The following LRGUK variants were observed in gnomAD, a reference collection of about 807,000 sequenced individuals.
The protein encoded by LRGUK is leucine rich repeats and guanylate kinase domain containing, also known as leucine-rich repeat and guanylate kinase domain-containing protein.
LRGUK carries 65 observed loss-of-function variants against 76.0 expected under a neutral mutation model. The observed-to-expected ratio is 0.85, with a 90% CI of 0.70 to 1.05. The LOEUF (loss-of-function observed/expected upper bound fraction) is 1.05. LRGUK is among the 50% of genes least tolerant of loss of function. The pLI is 0.00. For missense variants in LRGUK, 758 were observed against 732.8 expected, an observed-to-expected ratio of 1.03 and a Z score of -0.40; for synonymous variants, 268 against 265.6, an observed-to-expected ratio of 1.01 and a Z score of -0.09.
chr7:134,189,512 C>T (rs943074348), intron 11 of LRGUK, among the ~76,000 whole-genome samples: 4 of 152,180 alleles, frequency 2.6e-5, no homozygotes, highest in Admixed American at 6.5e-5. Flanking sequence ...CAGGTTCTGT[C>T]ATCAGCATTC....
chr7:134,164,733 C>T (rs543571653), intron 7 of LRGUK, among the ~76,000 whole-genome samples: 1 of 152,034 alleles, frequency 6.6e-6, no homozygotes, highest in African/African-American at 2.4e-5. Context: ...TGGTGCTTGT[C>T]GGTTTTGTGT....
rs1797079647 is a variant in LRGUK, at chr7:134,127,797, G to A, written c.297+133G>A. On this transcript the variant is annotated intron_variant, in intron 1 of 15. Coordinates refer to ENST00000645682, the Ensembl canonical transcript of LRGUK. The stretch of plus-strand genomic sequence containing the variant: ...CTCAGGCTCTCTCGCCTCCAGGAAC[G>A]CCTCTTCCCCCTCTTTTCTTCCCCT... The A allele has an allele frequency of 1.4e-5, 14 of 988,592 alleles. No homozygotes were observed. The South Asian group carries it at 1.7e-4, about 12-fold the overall frequency. The allele number at this position is 988,592 out of a possible 1,614,324, so 61.2% of individuals were successfully genotyped here. A position where few individuals can be genotyped will look rare whatever the true frequency, so the allele number is the denominator to read the frequency against.
At chr7:134,164,225 C>G (rs1798877005) in intron 7 of LRGUK, among the ~76,000 whole-genome samples, 1 of 152,078 alleles carries the variant, frequency 6.6e-6, no homozygotes, top group Admixed American at 6.5e-5. Flanking sequence ...ACAGTAAGTA[C>G]ATATAATTTT....
Position 134,147,178 on chromosome 7 carries a change from C to T in LRGUK, c.589-1060C>T, listed in dbSNP as rs536754247. ...CTATAATCCCAACACTTTGGGAGGC[C>T]GAGACGGGTGGATCAGGAGGTTGGT... On this transcript the variant is annotated intron_variant, in intron 4 of 15. Coordinates refer to ENST00000645682, the Ensembl canonical transcript of LRGUK. 4.1e-4 allele frequency among the ~76,000 whole-genome samples: 63 copies of T among 151,946 alleles called. No individual in the cohort carries two copies. The South Asian group carries it at 0.012, about 30-fold the overall frequency.
intron 10 of LRGUK, among the ~76,000 whole-genome samples, chr7:134,179,498 T>A (rs1799647908): frequency 6.6e-6 from 1 of 152,196 alleles, no homozygotes; most frequent in Non-Finnish European, 1.5e-5. Flanking sequence ...AATTTAATAA[T>A]GTAGACGTTG....
downstream of LRGUK, among the ~76,000 whole-genome samples, chr7:134,214,466 A>G (rs776457261): frequency 4.3e-4 from 66 of 152,200 alleles, no homozygotes; most frequent in Non-Finnish European, 7.5e-4. Flanking sequence ...AGTGTTTTTT[A>G]TGATAAAATC....
intron 6 of LRGUK, 129 bp downstream of exon 6, chr7:134,158,288 G>A (rs1798570783): frequency 2.5e-6 from 2 of 797,630 alleles, no homozygotes; most frequent in Admixed American, 5.6e-5. Context: ...ATTGTCTTCA[G>A]TTTTGTTTGC....
At chr7:134,158,274 T>C (rs1456796961) in intron 6 of LRGUK, 115 bp downstream of exon 6, 7 of 909,716 alleles carry the variant, frequency 7.7e-6, no homozygotes, top group African/African-American at 1.7e-5. Flanking sequence ...CTTCATGAAA[T>C]GTTATTGTCT....
intron 15 of LRGUK, among the ~76,000 whole-genome samples, chr7:134,220,905 T>C (rs532694130): frequency 1.3e-5 from 2 of 152,246 alleles, no homozygotes; most frequent in South Asian, 4.2e-4. Flanking sequence ...GCAGGGGCTG[T>C]GGCTTCCCCC....
chr7:134,271,251 G>A, the LRGUK span, among the ~76,000 whole-genome samples: 1 of 151,814 alleles, frequency 6.6e-6, no homozygotes, highest in Admixed American at 6.6e-5. Flanking sequence ...TTTCCAGGTT[G>A]TGACTTATTT....
chr7:134,170,389 C>T (rs535953049), intron 7 of LRGUK, among the ~76,000 whole-genome samples: 13 of 152,022 alleles, frequency 8.6e-5, no homozygotes, highest in Non-Finnish European at 1.5e-4. Context: ...TACCTTTCAA[C>T]TCTTAATCCA....
downstream of LRGUK, among the ~76,000 whole-genome samples, chr7:134,266,751 G>A (rs2544187): frequency 0.096 from 14,670 of 152,028 alleles, 1,829 homozygotes; most frequent in African/African-American, 0.28. Context: ...AAAATGACCC[G>A]AAATCTCTAA....
At chr7:134,138,578 AT>A (rs1046350340) in intron 2 of LRGUK, among the ~76,000 whole-genome samples, 1 of 152,160 alleles carries the variant, frequency 6.6e-6, no homozygotes, top group African/African-American at 2.4e-5. Context: ...TAAATAGTAA[AT>A]ATTCAGTAAG....
rs763481364 is a variant in LRGUK, at chr7:134,157,041, C to T, written c.671-994C>T. On this transcript the variant is annotated intron_variant, in intron 5 of 15. Coordinates refer to ENST00000645682, the Ensembl canonical transcript of LRGUK. ...TCAAAGAGATTGAGAACAGAGAGAG[C>T]TGAACAGAATTATGACTTTGAAATT... 2.5e-4 allele frequency among the ~76,000 whole-genome samples: 38 copies of T among 152,064 alleles called. No homozygotes were observed. In the Middle Eastern group the frequency reaches 0.017, roughly 68 times the overall value.
intron 15 of LRGUK, among the ~76,000 whole-genome samples, chr7:134,217,558 G>A (rs917543314): frequency 1.3e-5 from 2 of 151,968 alleles, no homozygotes; most frequent in Non-Finnish European, 2.9e-5. Flanking sequence ...AATTATCATG[G>A]ATACTATGCA....
intron 3 of LRGUK, 121 bp from the exon 4 acceptor site, chr7:134,142,941 T>C: frequency 6.7e-6 from 4 of 593,688 alleles, no homozygotes; most frequent in Non-Finnish European, 1.2e-5. Flanking sequence ...TATGGAATAA[T>C]TAAGATGTCT....
chr7:134,174,054 A>AGCC (rs1443333442), intron 7 of LRGUK, among the ~76,000 whole-genome samples: 1 of 150,796 alleles, frequency 6.6e-6, no homozygotes, highest in Non-Finnish European at 1.5e-5. Flanking sequence ...GGTTGCAGTG[A>AGCC]GCCGAGATCA....
At chr7:134,177,730 G>A (rs555128165) in intron 9 of LRGUK, among the ~76,000 whole-genome samples, 1 of 152,248 alleles carries the variant, frequency 6.6e-6, no homozygotes, top group African/African-American at 2.4e-5. Context: ...TATGTAGAGA[G>A]GCACGTATTC....
At chr7:134,180,962 T>C (rs1183073765) in intron 10 of LRGUK, among the ~76,000 whole-genome samples, 1 of 152,220 alleles carries the variant, frequency 6.6e-6, no homozygotes, top group African/African-American at 2.4e-5. Flanking sequence ...TTGCCTATTC[T>C]ATATATTTCA....
Sources: gnomAD v4.1 joint callset for allele counts (sites outside exome capture counted in the v4.1 genomes callset) on GRCh38, gnomAD v4.1.1 for gene constraint, MANE v1.5 for transcripts, NCBI Gene and HGNC (gene_info 2026-07-23, HGNC 2026-07-21) for gene names.